TSHR: variants seen among roughly 807,000 people sequenced by gnomAD.
TSHR encodes thyroid stimulating hormone receptor, also known as thyrotropin receptor.
Under a neutral mutation model 64.1 loss-of-function variants are expected in TSHR, and 51 were observed. That is an observed-to-expected ratio of 0.80 (90% confidence interval 0.64 to 1.01). TSHR has a LOEUF of 1.01. Among genes scored for constraint, TSHR ranks in the 50% least tolerant of loss-of-function variants. The probability of loss-of-function intolerance (pLI) is 0.00; values close to 1 mark genes in which losing one functional copy is unlikely to be tolerated. For missense variants in TSHR, 877 were observed against 942.8 expected, an observed-to-expected ratio of 0.93 and a Z score of 0.91; for synonymous variants, 361 against 361.9, an observed-to-expected ratio of 1.00 and a Z score of 0.03.
rs1430722404 is a variant in TSHR, at chr14:81,096,671, A to G, written c.578A>G (p.Gln193Arg). Reference protein sequence around the residue: ...KLYNNGFTSVQGYAFNGTKLD... With the variant: ...KLYNNGFTSVRGYAFNGTKLD... ...TACAACAATGGCTTTACTTCAGTCCAAGGATATGCTTTCAATGGGACAAAG... is the reference window on the plus strand; with the variant it reads ...TACAACAATGGCTTTACTTCAGTCCGAGGATATGCTTTCAATGGGACAAAG... The change falls in exon 7 of 10, where the codon CAA becomes CGA. Residue 193 changes from glutamine (Q) to arginine (R), a missense_variant. Physicochemically the swap from Gln to Arg is conservative, Grantham distance 43. Coordinates refer to ENST00000298171, the MANE Select transcript of TSHR (RefSeq NM_000369.5). The G allele has an allele frequency of 3.7e-6, 6 of 1,613,914 alleles. No homozygotes were observed. The highest frequency in any genetic ancestry group is 5.1e-6 in the Non-Finnish European group (6 of 1,179,820).
intron 1 of TSHR, among the ~76,000 whole-genome samples, chr14:80,976,014 C>T (rs1332353615): frequency 6.6e-6 from 1 of 151,934 alleles, no homozygotes; most frequent in Non-Finnish European, 1.5e-5. Flanking sequence ...CGGGTTCACA[C>T]CATTCTCCTG....
intron 1 of TSHR, among the ~76,000 whole-genome samples, chr14:81,054,967 T>C (rs1885677063): frequency 6.6e-6 from 1 of 151,900 alleles, no homozygotes; most frequent in African/African-American, 2.4e-5. Flanking sequence ...CCCAAGACAA[T>C]GGGAAAAATG....
chr14:81,001,687 C>G (rs1319420821), intron 1 of TSHR: 3 of 500,620 alleles, frequency 6.0e-6, no homozygotes, highest in Non-Finnish European at 1.2e-5. Context: ...ACAGGCACAC[C>G]CTTGTTGGCC....
chr14:81,017,412 AGTAT>A (rs1883470996), intron 1 of TSHR, among the ~76,000 whole-genome samples: 1 of 152,168 alleles, frequency 6.6e-6, no homozygotes, highest in Admixed American at 6.5e-5. Flanking sequence ...GGGCACCAGG[AGTAT>A]GTAAGGAGTG....
intron 4 of TSHR, 128 bp from the exon 5 acceptor site, chr14:81,090,941 T>G: frequency 1.3e-6 from 1 of 744,832 alleles, no homozygotes; most frequent in Non-Finnish European, 2.3e-6. Flanking sequence ...TTAGGGAAGG[T>G]GTTGGGAGTT....
intron 8 of TSHR, among the ~76,000 whole-genome samples, chr14:81,118,798 C>G (rs986501367): frequency 4.0e-5 from 6 of 151,326 alleles, no homozygotes; most frequent in Admixed American, 1.3e-4. Context: ...CTACAGTAAG[C>G]AAAACAGCAT....
At chr14:81,088,219 T>G (rs938830071) in intron 4 of TSHR, among the ~76,000 whole-genome samples, 191 bp downstream of exon 4, 24 of 152,118 alleles carry the variant, frequency 1.6e-4, no homozygotes, top group Admixed American at 1.5e-3. Flanking sequence ...CAGCACATAA[T>G]GCTGGAACCA....
At chr14:81,024,311 C>T (rs2139807730) in intron 1 of TSHR, among the ~76,000 whole-genome samples, 1 of 152,140 alleles carries the variant, frequency 6.6e-6, no homozygotes, top group Middle Eastern at 3.4e-3. Flanking sequence ...TGCAGTGGCG[C>T]AATCTCGGCT....
intron 8 of TSHR, among the ~76,000 whole-genome samples, chr14:81,128,257 T>C (rs1156900766): frequency 6.6e-6 from 1 of 152,174 alleles, no homozygotes; most frequent in Non-Finnish European, 1.5e-5. Flanking sequence ...GTCTATCACT[T>C]TGGGCCTAAC....
chr14:81,016,595 T>C (rs1314030600), intron 1 of TSHR, among the ~76,000 whole-genome samples: 1 of 152,192 alleles, frequency 6.6e-6, no homozygotes, highest in East Asian at 1.9e-4. Context: ...TTGTTTCCCT[T>C]GCTATGCAGA....
intron 1 of TSHR, chr14:81,012,689 C>T (rs1178691925): frequency 1.3e-5 from 2 of 152,100 alleles, no homozygotes; most frequent in Admixed American, 6.6e-5. Context: ...CTCTGGTGGC[C>T]AGTGATGGTG....
At chr14:81,098,771 A>G (rs1033530166) in intron 7 of TSHR, among the ~76,000 whole-genome samples, 1 of 152,196 alleles carries the variant, frequency 6.6e-6, no homozygotes, top group African/African-American at 2.4e-5. Context: ...TCCTGAATTC[A>G]GTGTGTTCAC....
At chr14:81,041,126 AC>A (rs1884899496) in intron 1 of TSHR, among the ~76,000 whole-genome samples, 1 of 152,140 alleles carries the variant, frequency 6.6e-6, no homozygotes, top group Non-Finnish European at 1.5e-5. Context: ...AAACCTAAAG[AC>A]AGAAATACCA....
intron 2 of TSHR, among the ~76,000 whole-genome samples, chr14:81,064,211 G>C (rs919201954): frequency 6.6e-6 from 1 of 152,182 alleles, no homozygotes; most frequent in Admixed American, 6.6e-5. Flanking sequence ...GGCTGATGCA[G>C]TGCCCAAAGT....
intron 1 of TSHR, among the ~76,000 whole-genome samples, chr14:81,002,593 T>C (rs935944831): frequency 6.6e-6 from 1 of 152,152 alleles, no homozygotes; most frequent in African/African-American, 2.4e-5. Flanking sequence ...GTCCCAATTA[T>C]AAAATCCCTG....
chr14:81,096,812 C>A (rs1566811630), intron 7 of TSHR, 105 bp downstream of exon 7: 2 of 1,278,532 alleles, frequency 1.6e-6, no homozygotes, highest in Non-Finnish European at 2.2e-6. Context: ...GCATCTTCCA[C>A]GCCAGAGTTA....
intron 7 of TSHR, chr14:81,102,704 T>C (rs1431806245): frequency 1.3e-6 from 1 of 773,148 alleles, no homozygotes; most frequent in Non-Finnish European, 1.6e-6. Context: ...TAAAACTTTA[T>C]TTACAAAAAC....
intron 1 of TSHR, among the ~76,000 whole-genome samples, chr14:80,973,403 C>CAAAAAAAAAAAAA (rs58316010): frequency 0.027 from 1,408 of 51,396 alleles, 319 homozygotes; most frequent in Non-Finnish European, 0.042. Context: ...GACGCTGTCT[C>CAAAAAAAAAAAAA]AAAAAAAAAA....
chr14:81,008,199 G>A (rs1471742795), intron 1 of TSHR, among the ~76,000 whole-genome samples: 1 of 145,240 alleles, frequency 6.9e-6, no homozygotes, highest in Non-Finnish European at 1.5e-5. Context: ...TTGAGATGGA[G>A]TCTCGCTCTG....
Sources: allele counts gnomAD v4.1 joint callset (sites outside exome capture counted in the v4.1 genomes callset), GRCh38; gene constraint gnomAD v4.1.1; transcripts MANE v1.5; gene names NCBI Gene and HGNC (gene_info 2026-07-23, HGNC 2026-07-21).